The following AHI1 variants were observed in gnomAD, a reference collection of about 807,000 sequenced individuals.
The protein encoded by AHI1 is Abelson helper integration site 1, also known as jouberin.
A neutral mutation model predicts 149.3 loss-of-function variants in AHI1; 123 were observed. That is an observed-to-expected ratio of 0.82 (90% CI 0.71 to 0.96). AHI1 has a LOEUF of 0.96. Among genes scored for constraint, AHI1 ranks in the 40% least tolerant of loss-of-function variants. AHI1 has a pLI of 0.00. For synonymous variants in AHI1, 475 were observed against 459.8 expected, an observed-to-expected ratio of 1.03 and a Z score of -0.42; for missense variants, 1,439 against 1,422.7, an observed-to-expected ratio of 1.01 and a Z score of -0.18.
chr6:135,387,961 C>G (rs201629742), intron 23 of AHI1: 2 of 1,613,540 alleles, frequency 1.2e-6, no homozygotes, highest in African/African-American at 1.3e-5. Context: ...CTCAGTTCTT[C>G]TGGCTGGCTG....
intron 24 of AHI1, among the ~76,000 whole-genome samples, chr6:135,339,146 G>C (rs1462512873): frequency 6.6e-6 from 1 of 152,092 alleles, no homozygotes; most frequent in Non-Finnish European, 1.5e-5. Flanking sequence ...TATATCCCTA[G>C]GGCATTTGTC....
At chr6:135,363,059 A>T (rs1266632564) in intron 23 of AHI1, among the ~76,000 whole-genome samples, 1 of 149,626 alleles carries the variant, frequency 6.7e-6, no homozygotes, top group African/African-American at 2.5e-5. Flanking sequence ...TATTATTATT[A>T]TTATTTTTAT....
rs41287052 is a variant in AHI1 at position 135,323,148 on chromosome 6, A to G, written c.3328+14T>C. On this transcript the variant is annotated intron_variant, in intron 25 of 28. Transcript: ENST00000265602. ...TACCATACTAGTAAACCAGGAAGGG[A>G]GCATAAAACTTACTTTCACTAGCCA... 6.3e-6 allele frequency: 10 copies of G among 1,595,902 alleles called. No individual in the cohort carries two copies. Among genetic ancestry groups the G allele is most frequent in the Non-Finnish European group, 8.6e-6 (10 of 1,168,490 alleles).
chr6:135,312,398 C>T (rs769217030), intron 26 of AHI1, among the ~76,000 whole-genome samples: 7 of 152,110 alleles, frequency 4.6e-5, no homozygotes, highest in Non-Finnish European at 1.0e-4. Context: ...CCTGTAATCT[C>T]AGCTACTTGG....
At chr6:135,344,960 T>C (rs544300162) in intron 24 of AHI1, among the ~76,000 whole-genome samples, 96 of 117,624 alleles carry the variant, frequency 8.2e-4, no homozygotes, top group Middle Eastern at 4.2e-3. Flanking sequence ...ACACACAGTA[T>C]ATTAAAAAAA....
rs188426119 is a variant in AHI1, at chr6:135,360,683, A to T, written c.3110-2496T>A. On this transcript the variant is annotated intron_variant, in intron 23 of 28. Coordinates refer to ENST00000265602, the MANE Select transcript of AHI1 (RefSeq NM_001134831.2). Reference sequence around the variant, plus strand: ...AAAAATGCTATTGCTTATACTCTAAATTATAAATGTTATGTTCATTCAACA... The same window carrying T: ...AAAAATGCTATTGCTTATACTCTAATTTATAAATGTTATGTTCATTCAACA... Among the ~76,000 whole-genome samples the T allele has an allele frequency of 2.5e-3, 382 of 152,374 alleles. 5 individuals are homozygous for T. The highest frequency in any genetic ancestry group is 8.4e-3 in the African/African-American group (350 of 41,592).
intron 26 of AHI1, among the ~76,000 whole-genome samples, chr6:135,306,107 G>T (rs1784505274): frequency 6.6e-6 from 1 of 152,114 alleles, no homozygotes; most frequent in African/African-American, 2.4e-5. Context: ...TTGTTTTATT[G>T]ACCATTATAC....
intron 27 of AHI1, among the ~76,000 whole-genome samples, chr6:135,291,362 T>A (rs1161079202): frequency 6.6e-6 from 1 of 152,194 alleles, no homozygotes; most frequent in Non-Finnish European, 1.5e-5. Context: ...GACAGGGGCT[T>A]CTAGGGAGAT....
chr6:135,312,621 A>G (rs1785371134), intron 26 of AHI1, among the ~76,000 whole-genome samples: 1 of 152,238 alleles, frequency 6.6e-6, no homozygotes, highest in Non-Finnish European at 1.5e-5. Context: ...CCAGTGTGAT[A>G]CAGAACCTGG....
intron 24 of AHI1, among the ~76,000 whole-genome samples, chr6:135,340,667 A>G (rs1398316637): frequency 8.6e-6 from 1 of 115,770 alleles, no homozygotes; most frequent in Non-Finnish European, 1.7e-5. Flanking sequence ...ACATATATAT[A>G]TATATATATA....
chr6:135,482,469 G>GT (rs113291233), intron 5 of AHI1, among the ~76,000 whole-genome samples: 4,271 of 143,138 alleles, frequency 0.03, 172 homozygotes, highest in African/African-American at 0.09. Flanking sequence ...GCCCACCACT[G>GT]TTTTTTTTTT....
chr6:135,312,584 C>A (rs1785366720), intron 26 of AHI1, among the ~76,000 whole-genome samples: 1 of 151,964 alleles, frequency 6.6e-6, no homozygotes, highest in Admixed American at 6.6e-5. Context: ...AACAAACAAA[C>A]CAAAAAACAA....
At chr6:135,410,386 A>T (rs927437660) in intron 21 of AHI1, among the ~76,000 whole-genome samples, 2 of 152,190 alleles carry the variant, frequency 1.3e-5, no homozygotes, top group African/African-American at 4.8e-5. Flanking sequence ...AAAACAAAAC[A>T]AAACAACCAA....
At chr6:135,480,457 T>TA (rs879595836) in intron 5 of AHI1, among the ~76,000 whole-genome samples, 3,152 of 145,466 alleles carry the variant, frequency 0.022, 108 homozygotes, top group African/African-American at 0.072. Flanking sequence ...GACCCTGTCT[T>TA]AAAAAAAAAA....
At chr6:135,456,669 T>C (rs1222806327) in intron 9 of AHI1, among the ~76,000 whole-genome samples, 1 of 152,234 alleles carries the variant, frequency 6.6e-6, no homozygotes, top group Non-Finnish European at 1.5e-5. Flanking sequence ...GGGCTTTTTT[T>C]GGACAATCTT....
At chr6:135,475,767 T>C (rs915031175) in intron 5 of AHI1, among the ~76,000 whole-genome samples, 2 of 152,194 alleles carry the variant, frequency 1.3e-5, no homozygotes, top group African/African-American at 2.4e-5. Flanking sequence ...CTGTGTCCCA[T>C]GCACCTTTTC....
chr6:135,294,477 C>A lies in AHI1; in HGVS notation c.3486-3952G>T, dbSNP rs866293577. 2.0e-5 allele frequency among the ~76,000 whole-genome samples: 3 copies of A among 151,908 alleles called. No homozygotes were observed. The South Asian group carries it at 6.2e-4, about 32-fold the overall frequency. Reference sequence around the variant, plus strand: ...TGAGCCAAGATCACGCCATTGCACTCCAGCCTGGATGACAAAGGGAGATTC... The same window carrying A: ...TGAGCCAAGATCACGCCATTGCACTACAGCCTGGATGACAAAGGGAGATTC... On this transcript the variant is annotated intron_variant, in intron 27 of 28. Transcript: ENST00000265602.
Position 135,438,443 on chromosome 6 carries a change from G to A in AHI1, c.1968C>T (p.Ile656=). ...FMRELCGHLN[I]IYDLSWSKDD... Reference sequence around the variant, plus strand: ...CTTTTGACCAGGAAAGATCATAAATGATATTGAGGTGGCCACACAATTCTC... The same window carrying A: ...CTTTTGACCAGGAAAGATCATAAATAATATTGAGGTGGCCACACAATTCTC... Residue 656 remains isoleucine (I), a synonymous_variant, in exon 15 of 29, where the codon ATC becomes ATT. Coordinates refer to ENST00000265602, the MANE Select transcript of AHI1 (RefSeq NM_001134831.2). 3 of 1,558,524 alleles carry A rather than the reference G, an allele frequency of 1.9e-6. No homozygotes were observed. Among genetic ancestry groups the A allele is most frequent in the South Asian group, 1.2e-5 (1 of 84,258 alleles).
intron 28 of AHI1, among the ~76,000 whole-genome samples, chr6:135,288,132 C>A (rs1200450797): frequency 1.3e-5 from 2 of 151,872 alleles, no homozygotes; most frequent in Non-Finnish European, 2.9e-5. Flanking sequence ...AAAACCTGGA[C>A]CTTACCCCAC....
Sources: allele counts gnomAD v4.1 joint callset (sites outside exome capture counted in the v4.1 genomes callset), GRCh38; gene constraint gnomAD v4.1.1; transcripts MANE v1.5; gene names NCBI Gene and HGNC (gene_info 2026-07-23, HGNC 2026-07-21).